SNRNP40: variants seen among roughly 807,000 people sequenced by gnomAD.
SNRNP40 encodes the protein U5 small nuclear ribonucleoprotein 40 kDa protein.
Under a neutral mutation model 45.8 loss-of-function variants are expected in SNRNP40, and 21 were observed. That is an observed-to-expected ratio of 0.46 (90% CI 0.32 to 0.66). SNRNP40 has a LOEUF of 0.66. Among genes scored for constraint, SNRNP40 ranks in the 30% least tolerant of loss-of-function variants. The probability of loss-of-function intolerance (pLI) is 0.03; values close to 1 mark genes in which losing one functional copy is unlikely to be tolerated. For synonymous variants in SNRNP40, 142 were observed against 163.8 expected, an observed-to-expected ratio of 0.87 and a Z score of 1.01; for missense variants, 344 against 439.1, an observed-to-expected ratio of 0.78 and a Z score of 1.94.
chr1:31,276,860 A>G (rs1645979439), intron 5 of SNRNP40, among the ~76,000 whole-genome samples: 1 of 152,052 alleles, frequency 6.6e-6, no homozygotes, highest in African/African-American at 2.4e-5. Flanking sequence ...TGGTGAAACC[A>G]TGTCTCTACT....
At position 31,293,295 on chromosome 1, in the gene SNRNP40, A is replaced by C; in HGVS notation, c.195T>G (p.His65Gln). Residue 65 changes from histidine (H) to glutamine (Q), a missense_variant, in exon 2 of 10, where the codon CAT becomes CAG. His to Gln is a conservative substitution (Grantham distance 24). Around this residue, in one of 2 missense-constraint regions of SNRNP40, gnomAD observed 254 missense variants for 380.2 expected, o/e 0.67. Transcript: ENST00000263694. Reference sequence around the variant, plus strand: ...ACTTGCAGCAGTAGACTTCCCCTTCATGTCCAGAGAGCAGCATGATTGGGG... The same window carrying C: ...ACTTGCAGCAGTAGACTTCCCCTTCCTGTCCAGAGAGCAGCATGATTGGGG... ...LQAPIMLLSG[H>Q]EGEVYCCKFH... is the part of the protein sequence containing the mutation. The C allele has an allele frequency of 6.2e-7, 1 of 1,613,986 alleles. No individual in the cohort carries two copies. The highest frequency in any genetic ancestry group is 8.5e-7 in the Non-Finnish European group (1 of 1,179,970).
chr1:31,264,113 G>A (rs1645880173), intron 8 of SNRNP40, among the ~76,000 whole-genome samples: 2 of 152,032 alleles, frequency 1.3e-5, no homozygotes, highest in African/African-American at 2.4e-5. Context: ...ACCAGTACTT[G>A]ATCATAAAAA....
chr1:31,274,645 T>TAAAAAAAAAA (rs368995037), intron 5 of SNRNP40, among the ~76,000 whole-genome samples: 1 of 112,034 alleles, frequency 8.9e-6, no homozygotes, highest in Non-Finnish European at 1.7e-5. Context: ...ACCATTACAT[T>TAAAAAAAAAA]AAAAAAAAAA....
At position 31,271,380 on chromosome 1, in the gene SNRNP40, T is replaced by A; in HGVS notation, c.774A>T (p.Thr258=). Residue 258 remains threonine, a splice_region_variant and synonymous_variant, in exon 6 of 10, where the codon ACA becomes ACT. Coordinates refer to ENST00000263694, the MANE Select transcript of SNRNP40 (RefSeq NM_004814.3). ...GAGAGATTTCCTTTCCAAAGTTACC[T>A]GTATTGTCCATTGCATTGGACAAAA... ...SYLLSNAMDN[T]VRVWDVRPFA... 6.2e-7 allele frequency: 1 copy of A among 1,603,886 alleles called. No individual in the cohort carries two copies. Among genetic ancestry groups the A allele is most frequent in the Non-Finnish European group, 8.5e-7 (1 of 1,177,502 alleles).
chr1:31,288,982 C>T lies in SNRNP40; in HGVS notation c.531+272G>A, dbSNP rs57090594. Among the ~76,000 whole-genome samples, 899 of 152,326 alleles carry T rather than the reference C, an allele frequency of 5.9e-3. 72 individuals are homozygous for T. In the East Asian group the frequency reaches 0.15, roughly 25 times the overall value. On this transcript the variant is annotated intron_variant, in intron 4 of 9. Coordinates refer to ENST00000263694, the MANE Select transcript of SNRNP40 (RefSeq NM_004814.3). Reference sequence around the variant, plus strand: ...TCTTGACCTCGTGATCCACCCGCCTCGGCCTCCCAAAGTGCTGGGATTACA... The same window carrying T: ...TCTTGACCTCGTGATCCACCCGCCTTGGCCTCCCAAAGTGCTGGGATTACA...
chr1:31,260,056 C>T lies in SNRNP40; in HGVS notation c.*16G>A, dbSNP rs1645847758. ...TCTCAAAGACAAGCGGCCTTGGAGT[C>T]TTCCAGTCCATATCTTCACTGAATC... On this transcript the variant is annotated 3_prime_UTR_variant, in exon 10 of 10. Transcript: ENST00000263694. The T allele has an allele frequency of 6.3e-7, 1 of 1,599,706 alleles. No individual in the cohort carries two copies. Among genetic ancestry groups the T allele is most frequent in the African/African-American group, 1.3e-5 (1 of 74,614 alleles).
chr1:31,281,595 C>T (rs1357074130), intron 4 of SNRNP40, 99 bp from the exon 5 acceptor site: 2 of 1,049,728 alleles, frequency 1.9e-6, no homozygotes, highest in Non-Finnish European at 2.6e-6. Context: ...TGGACATGAA[C>T]ACATCTATAA....
intron 4 of SNRNP40, among the ~76,000 whole-genome samples, chr1:31,282,646 ATCTATGTG>A (rs1028816434): frequency 1.4e-4 from 21 of 151,346 alleles, no homozygotes; most frequent in African/African-American, 1.9e-4. Flanking sequence ...CTATCTATGT[ATCTATGTG>A]TCTATCTATC....
chr1:31,263,229 A>AT (rs1441500855), intron 8 of SNRNP40: 4 of 151,960 alleles, frequency 2.6e-5, no homozygotes, highest in Non-Finnish European at 2.9e-5. Context: ...TAAAAATGTG[A>AT]TTTTTTCCTT....
intron 8 of SNRNP40, among the ~76,000 whole-genome samples, chr1:31,266,888 A>G (rs1224223208): frequency 6.6e-6 from 1 of 152,252 alleles, no homozygotes; most frequent in African/African-American, 2.4e-5. Context: ...CACAGAAATG[A>G]CTAAGATTCA....
chr1:31,278,845 TACACA>T (rs1483400465), intron 5 of SNRNP40, among the ~76,000 whole-genome samples: 6 of 152,082 alleles, frequency 3.9e-5, no homozygotes, highest in Non-Finnish European at 8.8e-5. Flanking sequence ...TTGGGGAATG[TACACA>T]GCGAGAAAAG....
At chr1:31,290,253 T>C (rs1646094204) in intron 3 of SNRNP40, among the ~76,000 whole-genome samples, 2 of 152,186 alleles carry the variant, frequency 1.3e-5, no homozygotes, top group Non-Finnish European at 2.9e-5. Context: ...CAGGCTGGTT[T>C]TGAACTCTTG....
chr1:31,268,139 TAC>T (rs111920002), intron 7 of SNRNP40, among the ~76,000 whole-genome samples: 25 of 152,272 alleles, frequency 1.6e-4, no homozygotes, highest in African/African-American at 5.5e-4. Flanking sequence ...ATACTTAACT[TAC>T]AGTTAATTAG....
rs1426876094 is a variant in SNRNP40 at position 31,260,050 on chromosome 1, T to TG, written c.*21dup. On this transcript the variant is annotated 3_prime_UTR_variant, in exon 10 of 10. Coordinates refer to ENST00000263694, the MANE Select transcript of SNRNP40 (RefSeq NM_004814.3). ...CTGAGGTCTCAAAGACAAGCGGCCT[T>TG]GGAGTCTTCCAGTCCATATCTTCAC... The TG allele has an allele frequency of 6.3e-7, 1 of 1,590,640 alleles. No individual in the cohort carries two copies. Among genetic ancestry groups the TG allele is most frequent in the African/African-American group, 1.3e-5 (1 of 74,382 alleles).
At chr1:31,281,551 A>C in intron 4 of SNRNP40, 55 bp from the exon 5 acceptor site, 1 of 1,543,510 alleles carries the variant, frequency 6.5e-7, no homozygotes, top group Non-Finnish European at 8.9e-7. Context: ...AAGCAATTGC[A>C]CAGTACAAAT....
chr1:31,295,508 C>A (rs1224790151), intron 1 of SNRNP40, among the ~76,000 whole-genome samples: 1 of 152,090 alleles, frequency 6.6e-6, no homozygotes, highest in Non-Finnish European at 1.5e-5. Flanking sequence ...GAAGAGCAAT[C>A]CCACAGAGAG....
At chr1:31,286,426 T>C (rs867162837) in intron 4 of SNRNP40, among the ~76,000 whole-genome samples, 39 of 152,294 alleles carry the variant, frequency 2.6e-4, no homozygotes, top group African/African-American at 9.4e-4. Context: ...CCATTCTTGG[T>C]TGAAGCCATG....
At chr1:31,296,483 C>CT in intron 1 of SNRNP40, 128 bp downstream of exon 1, 1 of 1,286,632 alleles carries the variant, frequency 7.8e-7, no homozygotes, top group Non-Finnish European at 1.1e-6. Context: ...TGTTTATGTG[C>CT]TTTAACTCTG....
intron 8 of SNRNP40, among the ~76,000 whole-genome samples, chr1:31,267,599 G>C (rs1645908528): frequency 1.3e-5 from 2 of 152,128 alleles, no homozygotes; most frequent in South Asian, 4.1e-4. Flanking sequence ...GCAACGGCGT[G>C]ATCTCGGCTC....
Sources: allele counts gnomAD v4.1 joint callset (sites outside exome capture counted in the v4.1 genomes callset), GRCh38; gene constraint gnomAD v4.1.1; regional missense constraint gnomAD v4.1.1; transcripts MANE v1.5; gene names NCBI Gene and HGNC (gene_info 2026-07-23, HGNC 2026-07-21).